Variants in TMEM210 observed in about 807,000 individuals in gnomAD.
TMEM210 encodes transmembrane protein 210.
Under a neutral mutation model 10.3 loss-of-function variants are expected in TMEM210, and 7 were observed. The observed-to-expected ratio is 0.68, with a 90% CI of 0.39 to 1.28. The LOEUF (loss-of-function observed/expected upper bound fraction) is 1.28. TMEM210 is among the 50% of genes most tolerant of loss of function. TMEM210 has a pLI of 0.01. For synonymous variants in TMEM210, 79 were observed against 81.2 expected, an observed-to-expected ratio of 0.97 and a Z score of 0.14; for missense variants, 185 against 197.8, an observed-to-expected ratio of 0.94 and a Z score of 0.39.
Position 137,171,183 on chromosome 9 carries a change from C to A in TMEM210, c.255-19G>T. ...CACCAACCTGCATGACGGGCCGGGT[C>A]ATCACGAGCTGGTAGAGTCCTTGTT... is the stretch of plus-strand genomic sequence containing the variant. On this transcript the variant is annotated intron_variant, in intron 3 of 3. Transcript: ENST00000413619. 2.0e-6 allele frequency: 3 copies of A among 1,531,918 alleles called. No homozygotes were observed. The South Asian group carries it at 3.6e-5, about 18-fold the overall frequency. 94.9% of individuals were successfully genotyped at this position (1,531,918 alleles called of 1,614,324 possible).
intron 1 of TMEM210, 65 bp downstream of exon 1, chr9:137,171,875 C>T (rs1834115684): frequency 7.0e-7 from 1 of 1,436,390 alleles, no homozygotes; most frequent in Non-Finnish European, 9.1e-7. Context: ...GACACCAGAG[C>T]TCCCACCTTG....
Position 137,170,890 on chromosome 9 carries a change from G to T in TMEM210, c.*85C>A. The stretch of plus-strand genomic sequence containing the variant: ...AACAAGCTTTAATTCCCCTCCCCCA[G>T]CTGCCCTCAGGAGGGCCTGCAGGGA... On this transcript the variant is annotated 3_prime_UTR_variant, in exon 4 of 4. Transcript: ENST00000413619. 1 of 1,389,790 alleles carries T rather than the reference G, an allele frequency of 7.2e-7. No individual in the cohort carries two copies. Among genetic ancestry groups the T allele is most frequent in the Non-Finnish European group, 9.6e-7 (1 of 1,046,048 alleles). The allele number at this position is 1,389,790 out of a possible 1,614,324, so 86.1% of individuals were successfully genotyped here.
At position 137,171,798 on chromosome 9, in the gene TMEM210, G is replaced by C. The variant is rs756973877; in HGVS notation, c.89-22C>G. ...CCAGCTGCAGAGACAGGGCCACATGGCCATGGGCCGGTCACCTGCCTGCAG... is the reference window on the plus strand; with the variant it reads ...CCAGCTGCAGAGACAGGGCCACATGCCCATGGGCCGGTCACCTGCCTGCAG... On this transcript the variant is annotated intron_variant, in intron 1 of 3. Coordinates refer to ENST00000413619, the MANE Select transcript of TMEM210 (RefSeq NM_001282477.2). 40 of 1,504,316 alleles carry C rather than the reference G, an allele frequency of 2.7e-5. No homozygotes were observed. In the African/African-American group the frequency reaches 5.1e-4, roughly 19 times the overall value. 93.2% of individuals were successfully genotyped at this position (1,504,316 alleles called of 1,614,324 possible). A position where few individuals can be genotyped will look rare whatever the true frequency, so the allele number is the denominator to read the frequency against.
rs1382208372 is a variant in TMEM210, at chr9:137,171,281, TTCCAGGGACAGCACCCCTCCTCC to T, written c.254+110_255-118del. Reference sequence around the variant, plus strand: ...CTCCCTTGGGACAGCACACCTCCTCTTCCAGGGACAGCACCCCTCCTCCTCCAGGGACAGCACCCCTCCTCCTC... The same window carrying T: ...CTCCCTTGGGACAGCACACCTCCTCTTCCAGGGACAGCACCCCTCCTCCTC... On this transcript the variant is annotated intron_variant, in intron 3 of 3. Transcript: ENST00000413619. The T allele has an allele frequency of 4.4e-4, 648 of 1,478,994 alleles. 2 individuals carry two copies. The African/African-American group carries it at 5.5e-3, about 12-fold the overall frequency. The allele number at this position is 1,478,994 out of a possible 1,614,324, so 91.6% of individuals were successfully genotyped here. A position where few individuals can be genotyped will look rare whatever the true frequency, so the allele number is the denominator to read the frequency against.
At chr9:137,171,905 G>A (rs1294308808) in intron 1 of TMEM210, 35 bp downstream of exon 1, 1 of 1,435,158 alleles carries the variant, frequency 7.0e-7, no homozygotes, top group South Asian at 1.5e-5. Flanking sequence ...GGGGAGCCAT[G>A]GCTGGGAGTG....
At chr9:137,171,235 C>A (rs1834100762) in intron 3 of TMEM210, 71 bp from the exon 4 acceptor site, 1 of 1,491,682 alleles carries the variant, frequency 6.7e-7, no homozygotes, top group Non-Finnish European at 9.0e-7. Flanking sequence ...GCGTCTGGGA[C>A]AGTGCACCCC....
chr9:137,171,782 G>T lies in TMEM210; in HGVS notation c.89-6C>A. On this transcript the variant is annotated splice_region_variant and splice_polypyrimidine_tract_variant and intron_variant, in intron 1 of 3. Coordinates refer to ENST00000413619, the MANE Select transcript of TMEM210 (RefSeq NM_001282477.2). ...GCATTCACAGTAGGTTCCAGCTGCA[G>T]AGACAGGGCCACATGGCCATGGGCC... 1 of 1,527,154 alleles carries T rather than the reference G, an allele frequency of 6.5e-7. No individual in the cohort carries two copies. Among genetic ancestry groups the T allele is most frequent in the Non-Finnish European group, 8.8e-7 (1 of 1,141,664 alleles). The allele number at this position is 1,527,154 out of a possible 1,614,324, so 94.6% of individuals were successfully genotyped here.
At position 137,170,939 on chromosome 9, in the gene TMEM210, C is replaced by T. The variant is rs1041617367; in HGVS notation, c.*36G>A. 86 of 1,515,568 alleles carry T rather than the reference C, an allele frequency of 5.7e-5. No individual in the cohort carries two copies. The highest frequency in any genetic ancestry group is 3.7e-4 in the African/African-American group (27 of 72,460). The allele number at this position is 1,515,568 out of a possible 1,614,324, so 93.9% of individuals were successfully genotyped here. ...GAGGACAGTGCACAGCCACTAAATA[C>T]GCTTTAATTCCCCTCCCCCAGCTGC... is the stretch of plus-strand genomic sequence containing the variant. On this transcript the variant is annotated 3_prime_UTR_variant, in exon 4 of 4. Coordinates refer to ENST00000413619, the MANE Select transcript of TMEM210 (RefSeq NM_001282477.2).
In TMEM210 at chr9:137,171,973, T is replaced by A; in HGVS notation, c.55A>T (p.Thr19Ser). Residue 19 changes from threonine (T) to serine (S), a missense_variant, in exon 1 of 4, where the codon ACA (threonine) becomes TCA (serine). By Grantham distance (58) the Thr-to-Ser change is moderately conservative (BLOSUM62 1). Transcript: ENST00000413619. ...GGGATGAGCAGAAGGGACAAATATGTGAGGCCCAAGGGGCCACCACGCAGG... is the reference window on the plus strand; with the variant it reads ...GGGATGAGCAGAAGGGACAAATATGAGAGGCCCAAGGGGCCACCACGCAGG... ...SCLRGGPLGL[T>S]YLSLLLIPAA... 1 of 1,422,028 alleles carries A rather than the reference T, an allele frequency of 7.0e-7. No homozygotes were observed. The highest frequency in any genetic ancestry group is 9.2e-7 in the Non-Finnish European group (1 of 1,091,656). The allele number at this position is 1,422,028 out of a possible 1,614,324, so 88.1% of individuals were successfully genotyped here.
intron 3 of TMEM210, 91 bp from the exon 4 acceptor site, chr9:137,171,255 C>G: frequency 6.8e-7 from 1 of 1,477,802 alleles, no homozygotes; most frequent in Non-Finnish European, 9.1e-7. Flanking sequence ...CCACAAAGGG[C>G]CTCCCTTGGG....
intron 2 of TMEM210, 77 bp downstream of exon 2, chr9:137,171,564 C>T: frequency 2.0e-6 from 3 of 1,530,904 alleles, no homozygotes; most frequent in Non-Finnish European, 1.7e-6. Flanking sequence ...GGGTAAAGCC[C>T]TTCTTGCAAG....
chr9:137,171,105 T>G lies in TMEM210; in HGVS notation c.314A>C (p.Glu105Ala). The G allele has an allele frequency of 6.5e-7, 1 of 1,535,404 alleles. No homozygotes were observed. The highest frequency in any genetic ancestry group is 1.2e-5 in the South Asian group (1 of 84,052). ...CAGGTCAGCGTCCATTAGCTGGGAC[T>G]CCACGTAAACCGGGTGCAGGTCCAT... The part of the protein sequence containing the change: ...DLMDLHPVYV[E>A]SQLMDADLEV... The change falls in exon 4 of 4, where the codon GAG (glutamate) becomes GCG (alanine). Residue 105 changes from glutamate (E) to alanine (A), a missense_variant. By Grantham distance (107) the Glu-to-Ala change is moderately radical (BLOSUM62 -1). Transcript: ENST00000413619.
intron 3 of TMEM210, 109 bp from the exon 4 acceptor site, chr9:137,171,273 A>C (rs1232575761): frequency 1.9e-5 from 28 of 1,472,218 alleles, no homozygotes; most frequent in Middle Eastern, 1.8e-4. Context: ...GGGACAGCAC[A>C]CCTCCTCTTC....
In TMEM210 at chr9:137,171,106, C is replaced by G; in HGVS notation, c.313G>C (p.Glu105Gln). 1 of 1,535,390 alleles carries G rather than the reference C, an allele frequency of 6.5e-7. No individual in the cohort carries two copies. Among genetic ancestry groups the G allele is most frequent in the Non-Finnish European group, 8.7e-7 (1 of 1,146,520 alleles). ...AGGTCAGCGTCCATTAGCTGGGACT[C>G]CACGTAAACCGGGTGCAGGTCCATG... The part of the protein sequence containing the change: ...DLMDLHPVYV[E>Q]SQLMDADLEV... The change falls in exon 4 of 4, where the codon GAG becomes CAG. Residue 105 changes from glutamate to glutamine, a missense_variant. Coordinates refer to ENST00000413619, the MANE Select transcript of TMEM210 (RefSeq NM_001282477.2).
chr9:137,170,882 C>T lies in TMEM210; in HGVS notation c.*93G>A. ...AACCACTAAACAAGCTTTAATTCCC[C>T]TCCCCCAGCTGCCCTCAGGAGGGCC... On this transcript the variant is annotated 3_prime_UTR_variant, in exon 4 of 4. Coordinates refer to ENST00000413619, the MANE Select transcript of TMEM210 (RefSeq NM_001282477.2). 7.3e-7 allele frequency: 1 copy of T among 1,366,100 alleles called. No individual in the cohort carries two copies. The highest frequency in any genetic ancestry group is 9.7e-7 in the Non-Finnish European group (1 of 1,026,856). 84.6% of individuals were successfully genotyped at this position (1,366,100 alleles called of 1,614,324 possible).
rs190253350 is a variant in TMEM210 at position 137,171,333 on chromosome 9, G to A, written c.254+81C>T. On this transcript the variant is annotated intron_variant, in intron 3 of 3. Coordinates refer to ENST00000413619, the MANE Select transcript of TMEM210 (RefSeq NM_001282477.2). ...AGGGACAGCACCCCTCCTCCTCCAG[G>A]GACTCCCCTGGGATAGCTCCCCCCG... The A allele has an allele frequency of 2.7e-4, 416 of 1,526,824 alleles. 1 individual carries two copies. The Middle Eastern group carries it at 3.7e-3, about 14-fold the overall frequency. The allele number at this position is 1,526,824 out of a possible 1,614,324, so 94.6% of individuals were successfully genotyped here.
In TMEM210 at chr9:137,171,234, A is replaced by G; in HGVS notation, c.255-70T>C. ...CCCCCAGGACAGGCTGGCGTCTGGG[A>G]CAGTGCACCCCCACAAAGGGCCTCC... On this transcript the variant is annotated intron_variant, in intron 3 of 3. Coordinates refer to ENST00000413619, the MANE Select transcript of TMEM210 (RefSeq NM_001282477.2). 2.0e-6 allele frequency: 3 copies of G among 1,494,948 alleles called. No individual in the cohort carries two copies. In the South Asian group the frequency reaches 3.8e-5, roughly 19 times the overall value. The allele number at this position is 1,494,948 out of a possible 1,614,324, so 92.6% of individuals were successfully genotyped here. A position where few individuals can be genotyped will look rare whatever the true frequency, so the allele number is the denominator to read the frequency against.
Position 137,171,790 on chromosome 9 carries a change from G to A in TMEM210, c.89-14C>T, listed in dbSNP as rs1281553350. The A allele has an allele frequency of 9.9e-6, 15 of 1,521,740 alleles. No homozygotes were observed. Among genetic ancestry groups the A allele is most frequent in the Non-Finnish European group, 1.3e-5 (15 of 1,138,714 alleles). 94.3% of individuals were successfully genotyped at this position (1,521,740 alleles called of 1,614,324 possible). On this transcript the variant is annotated splice_polypyrimidine_tract_variant and intron_variant, in intron 1 of 3. Coordinates refer to ENST00000413619, the MANE Select transcript of TMEM210 (RefSeq NM_001282477.2). ...AGTAGGTTCCAGCTGCAGAGACAGG[G>A]CCACATGGCCATGGGCCGGTCACCT...
chr9:137,171,011 C>G lies in TMEM210; in HGVS notation c.408G>C (p.Glu136Asp). 1 of 1,535,150 alleles carries G rather than the reference C, an allele frequency of 6.5e-7. No homozygotes were observed. Among genetic ancestry groups the G allele is most frequent in the Non-Finnish European group, 8.7e-7 (1 of 1,146,442 alleles). ...LVAIPMEASSEEPPPPPPLPP... is the reference protein window; with the variant it reads ...LVAIPMEASSDEPPPPPPLPP... ...GTAGGGGCGGGGGTGGTGGCGGCTC[C>G]TCTGAAGAAGCCTCCATGGGGATGG... The change falls in exon 4 of 4, where the codon GAG (glutamate) becomes GAC (aspartate). Residue 136 changes from glutamate (E) to aspartate (D), a missense_variant. Physicochemically the swap from Glu to Asp is conservative, Grantham distance 45. Coordinates refer to ENST00000413619, the MANE Select transcript of TMEM210 (RefSeq NM_001282477.2).
Sources: allele counts gnomAD v4.1 joint callset, GRCh38; gene constraint gnomAD v4.1.1; transcripts MANE v1.5; gene names NCBI Gene and HGNC (gene_info 2026-07-23, HGNC 2026-07-21).